The following RPS3 variants were observed in gnomAD, a reference collection of about 807,000 sequenced individuals.
RPS3 encodes the protein small ribosomal subunit protein uS3.
RPS3 carries 2 observed loss-of-function variants against 25.8 expected under a neutral mutation model. The observed-to-expected ratio is 0.08, with a 90% CI of 0.03 to 0.24. RPS3 has a LOEUF of 0.24. RPS3 is among the 10% of genes least tolerant of loss of function. RPS3 has a pLI of 1.00. For synonymous variants in RPS3, 114 were observed against 114.2 expected (o/e 1.00, Z 0.01); for missense variants, 107 against 307.1 (o/e 0.35, Z 4.87).
intron 6 of RPS3, 88 bp from the exon 7 acceptor site, chr11:75,405,526 C>T (rs574381231): frequency 4.5e-6 from 2 of 443,466 alleles, no homozygotes; most frequent in Non-Finnish European, 8.9e-6. Context: ...TGCTGCAAAC[C>T]CTAAGTGGGA....
intron 1 of RPS3, 36 bp from the exon 2 acceptor site, chr11:75,400,658 A>G (rs529279587): frequency 1.5e-5 from 24 of 1,605,806 alleles, no homozygotes; most frequent in Non-Finnish European, 2.0e-5. Context: ...GCCTACACCG[A>G]TCTCCTAATT....
intron 3 of RPS3, 80 bp from the exon 4 acceptor site, chr11:75,402,272 T>G: frequency 6.3e-7 from 1 of 1,588,010 alleles, no homozygotes; most frequent in Non-Finnish European, 8.6e-7. Context: ...AAGTGATACT[T>G]GTGTGGCAAA....
At chr11:75,410,493 T>C (rs1191453110), downstream of RPS3, among the ~76,000 whole-genome samples, 1 of 150,900 alleles carries the variant, frequency 6.6e-6, no homozygotes, top group African/African-American at 2.5e-5. Flanking sequence ...GAGACGCTCC[T>C]CACTTTCCAG....
intron 1 of RPS3, chr11:75,400,248 T>G (rs927577089): frequency 4.9e-6 from 2 of 410,106 alleles, no homozygotes; most frequent in African/African-American, 4.1e-5. Flanking sequence ...GTGCAGGTTG[T>G]GTCTACAAGT....
intron 1 of RPS3, chr11:75,400,273 G>T (rs1565162616): frequency 2.3e-6 from 1 of 443,432 alleles, no homozygotes; most frequent in Admixed American, 2.5e-5. Flanking sequence ...GAGCTTATAT[G>T]TTAAGTCTAC....
intron 4 of RPS3, 95 bp from the exon 5 acceptor site, chr11:75,403,925 T>G: frequency 8.3e-7 from 1 of 1,211,972 alleles, no homozygotes; most frequent in Non-Finnish European, 1.2e-6. Context: ...TATTCTCCAT[T>G]AAAGGAACAT....
chr11:75,409,771 A>G (rs1948326490), downstream of RPS3, among the ~76,000 whole-genome samples: 1 of 144,290 alleles, frequency 6.9e-6, no homozygotes, highest in African/African-American at 2.6e-5. Context: ...GCCGGGCAGA[A>G]GTGCCCCTCA....
intron 6 of RPS3, among the ~76,000 whole-genome samples, chr11:75,420,493 G>A (rs868016165): frequency 2.6e-5 from 4 of 152,118 alleles, no homozygotes; most frequent in Non-Finnish European, 4.4e-5. Flanking sequence ...AGCTGGCTTC[G>A]GAGATAGCTG....
intron 3 of RPS3, 181 bp from the exon 4 acceptor site, chr11:75,402,171 A>G (rs1350804911): frequency 9.0e-6 from 8 of 891,160 alleles, no homozygotes; most frequent in South Asian, 5.0e-5. Context: ...TGGTAGCGCA[A>G]AAAATCACGA....
rs371245541 is a variant in RPS3 at position 75,419,559 on chromosome 11, A to G, written c.*4-2168A>G. Among the ~76,000 whole-genome samples, 7 of 149,302 alleles carry G rather than the reference A, an allele frequency of 4.7e-5. No individual in the cohort carries two copies. The East Asian group carries it at 7.8e-4, about 17-fold the overall frequency. On this transcript the variant is annotated intron_variant, in intron 6 of 6. Transcript: ENST00000527446. ...ACAGAGTGAGACTCCTTCTCAAACA[A>G]AAAAAAAAAGAAAGAAAAAAAGAAA...
At chr11:75,407,502 C>T (rs760896354), downstream of RPS3, among the ~76,000 whole-genome samples, 6 of 151,888 alleles carry the variant, frequency 4.0e-5, no homozygotes, top group South Asian at 2.1e-4. Context: ...GACGGAGTCT[C>T]GCTCTGTCAC....
exon 7 of RPS3, chr11:75,422,193 CATT>C (rs149951016): frequency 0.016 from 2,585 of 166,632 alleles, 69 homozygotes; most frequent in African/African-American, 0.057. Context: ...AGCAAGAAAA[CATT>C]ATTTAGGAAG....
At chr11:75,420,954 CAT>C (rs1046680394) in intron 6 of RPS3, among the ~76,000 whole-genome samples, 2 of 152,136 alleles carry the variant, frequency 1.3e-5, no homozygotes, top group African/African-American at 4.8e-5. Context: ...CCCTGCCTGG[CAT>C]GTGGGAAGGG....
chr11:75,399,557 C>G lies in RPS3; in HGVS notation c.10C>G (p.Gln4Glu). ...GGAGCGCGGCGGCAAGATGGCAGTGCAAATATCCAAGAAGAGGAAGGTGAG... is the reference window on the plus strand; with the variant it reads ...GGAGCGCGGCGGCAAGATGGCAGTGGAAATATCCAAGAAGAGGAAGGTGAG... MAV[Q>E]ISKKRKFVAD... The change falls in exon 1 of 7, where the codon CAA becomes GAA. Residue 4 changes from glutamine to glutamate, a missense_variant. By Grantham distance (29) the Gln-to-Glu change is conservative (BLOSUM62 2). This residue lies in a region of RPS3 where 26 missense variants were observed against 20.4 expected (regional missense o/e 1.28). Transcript: ENST00000531188. 1 of 1,613,938 alleles carries G rather than the reference C, an allele frequency of 6.2e-7. No homozygotes were observed. The highest frequency in any genetic ancestry group is 8.5e-7 in the Non-Finnish European group (1 of 1,179,912).
intron 1 of RPS3, 74 bp from the exon 2 acceptor site, chr11:75,400,620 A>G: frequency 6.3e-7 from 1 of 1,587,524 alleles, no homozygotes; most frequent in Non-Finnish European, 8.6e-7. Flanking sequence ...ATTGACTAAT[A>G]AGACTAGACT....
downstream of RPS3, among the ~76,000 whole-genome samples, chr11:75,407,878 C>A (rs1948304661): frequency 6.6e-6 from 1 of 152,318 alleles, no homozygotes; most frequent in Admixed American, 6.5e-5. Flanking sequence ...CTTGGAAGTT[C>A]AGCCGGTGGG....
chr11:75,400,838 G>C lies in RPS3; in HGVS notation c.161+14G>C, dbSNP rs771591496. On this transcript the variant is annotated intron_variant, in intron 2 of 6. Transcript: ENST00000531188. Reference sequence around the variant, plus strand: ...CTTAGCCACCAGGTAAAACTCATTTGACTGGCCATCACCTATAATTGTTAT... The same window carrying C: ...CTTAGCCACCAGGTAAAACTCATTTCACTGGCCATCACCTATAATTGTTAT... 3.1e-6 allele frequency: 5 copies of C among 1,608,884 alleles called. No homozygotes were observed. The highest frequency in any genetic ancestry group is 1.1e-5 in the South Asian group (1 of 90,646).
intron 3 of RPS3, 116 bp downstream of exon 3, chr11:75,401,849 GA>G (rs1381315851): frequency 5.9e-6 from 4 of 673,552 alleles, no homozygotes; most frequent in Non-Finnish European, 1.1e-5. Context: ...TATAACTGTT[GA>G]AATTCTCTTA....
At chr11:75,419,009 T>G (rs555822376) in intron 6 of RPS3, among the ~76,000 whole-genome samples, 6 of 152,246 alleles carry the variant, frequency 3.9e-5, no homozygotes, top group South Asian at 2.1e-4. Context: ...ATTAAGGACT[T>G]TTTTGCTTTT....
Sources: allele counts gnomAD v4.1 joint callset (sites outside exome capture counted in the v4.1 genomes callset), GRCh38; gene constraint gnomAD v4.1.1; regional missense constraint gnomAD v4.1.1; transcripts MANE v1.5; gene names NCBI Gene and HGNC (gene_info 2026-07-23, HGNC 2026-07-21).